Variants in DCP2 observed in about 807,000 individuals in gnomAD.
DCP2 encodes the protein m7GpppN-mRNA hydrolase.
DCP2 carries 30 observed loss-of-function variants against 56.1 expected under a neutral mutation model. That is an observed-to-expected ratio of 0.53 (90% CI 0.40 to 0.73). The LOEUF is 0.73. Among genes scored for constraint, DCP2 ranks in the 30% least tolerant of loss-of-function variants. The pLI is 0.00. For missense variants in DCP2, 533 were observed against 502.7 expected (o/e 1.06, Z -0.58); for synonymous variants, 197 against 163.3 (o/e 1.21, Z -1.57).
intron 4 of DCP2, among the ~76,000 whole-genome samples, chr5:112,993,550 C>T (rs776283194): frequency 6.2e-5 from 9 of 144,934 alleles, no homozygotes; most frequent in African/African-American, 1.3e-4. Flanking sequence ...CTCTTGAACT[C>T]GGGAGGCAGA....
intron 4 of DCP2, among the ~76,000 whole-genome samples, chr5:112,995,870 A>G (rs1173328611): frequency 1.3e-5 from 2 of 152,180 alleles, no homozygotes; most frequent in Non-Finnish European, 2.9e-5. Flanking sequence ...TTATTTTGCA[A>G]CGGTTCTAGA....
intron 10 of DCP2, among the ~76,000 whole-genome samples, chr5:113,012,866 A>G (rs539741241): frequency 4.0e-5 from 6 of 150,016 alleles, no homozygotes; most frequent in African/African-American, 7.4e-5. Flanking sequence ...CTGGTCTCGA[A>G]CTCCTGACCT....
At chr5:112,997,269 A>G (rs538417465) in intron 4 of DCP2, among the ~76,000 whole-genome samples, 3 of 152,316 alleles carry the variant, frequency 2.0e-5, no homozygotes, top group South Asian at 4.1e-4. Context: ...CAGGACAAAG[A>G]TGTTTTCTAG....
At chr5:113,007,020 C>T (rs1346326624) in intron 8 of DCP2, among the ~76,000 whole-genome samples, 1 of 151,916 alleles carries the variant, frequency 6.6e-6, no homozygotes, top group East Asian at 1.9e-4. Context: ...TGCTTGTAAT[C>T]CTAGCTGCTT....
rs1381478696 is a variant in DCP2 at position 113,020,961 on chromosome 5, T to TA, written c.*7478dup. ...AATTGGCTGCTTGGGCGGTTTTAGT[T>TA]ACCACCTTAGCCTGGTTTTCTGCTA... On this transcript the variant is annotated 3_prime_UTR_variant, in exon 11 of 11. Coordinates refer to ENST00000389063, the MANE Select transcript of DCP2 (RefSeq NM_152624.6). 2 of 152,246 alleles carry TA rather than the reference T, an allele frequency of 1.3e-5. No individual in the cohort carries two copies. Among genetic ancestry groups the TA allele is most frequent in the Non-Finnish European group, 2.9e-5 (2 of 68,046 alleles). 9.4% of individuals were successfully genotyped at this position (152,246 alleles called of 1,614,324 possible).
At chr5:112,998,714 A>G (rs1381818903) in intron 4 of DCP2, among the ~76,000 whole-genome samples, 2 of 152,226 alleles carry the variant, frequency 1.3e-5, no homozygotes, top group East Asian at 1.9e-4. Flanking sequence ...ATGTTACACC[A>G]TAGTTGCTAT....
chr5:113,003,137 C>A (rs143724805), intron 7 of DCP2, among the ~76,000 whole-genome samples: 86 of 127,380 alleles, frequency 6.8e-4, no homozygotes, highest in African/African-American at 2.6e-3. Context: ...CTTTCAGAAT[C>A]TGTTATTGTA....
At chr5:112,985,042 G>A (rs1190692487) in intron 1 of DCP2, among the ~76,000 whole-genome samples, 4 of 151,976 alleles carry the variant, frequency 2.6e-5, no homozygotes, top group African/African-American at 9.7e-5. Flanking sequence ...AAAACCAGTG[G>A]ACTTGAATCT....
intron 1 of DCP2, chr5:112,984,703 A>ATT (rs1554098980): frequency 3.1e-5 from 2 of 64,858 alleles, no homozygotes; most frequent in African/African-American, 1.6e-4. Flanking sequence ...AAAAAAAAAA[A>ATT]ATATATATAT....
In DCP2 at chr5:113,013,197, G is replaced by T. The variant is rs983211083; in HGVS notation, c.1100-124G>T. The stretch of plus-strand genomic sequence containing the variant: ...TACATATTTTGGTGGTTCTGTTTAG[G>T]GTTAGAGTCTGGGAAGATAAATATA... On this transcript the variant is annotated intron_variant, in intron 10 of 10. Coordinates refer to ENST00000389063, the MANE Select transcript of DCP2 (RefSeq NM_152624.6). 9.2e-6 allele frequency: 9 copies of T among 982,076 alleles called. No individual in the cohort carries two copies. In the African/African-American group the frequency reaches 1.3e-4, roughly 14 times the overall value. 60.8% of individuals were successfully genotyped at this position (982,076 alleles called of 1,614,324 possible).
intron 4 of DCP2, among the ~76,000 whole-genome samples, chr5:113,000,147 A>G (rs1158753760): frequency 6.6e-6 from 1 of 151,602 alleles, no homozygotes; most frequent in East Asian, 1.9e-4. Flanking sequence ...TTTTGTATAG[A>G]TGGAGTCCCA....
chr5:112,992,836 C>T (rs750307333), intron 4 of DCP2, 66 bp downstream of exon 4: 713 of 1,233,408 alleles, frequency 5.8e-4, no homozygotes, highest in Non-Finnish European at 7.4e-4. Flanking sequence ...TTTTTTTAGC[C>T]ATATAGACTT....
intron 4 of DCP2, among the ~76,000 whole-genome samples, chr5:112,998,228 C>T (rs1488444884): frequency 6.6e-6 from 1 of 152,154 alleles, no homozygotes; most frequent in Non-Finnish European, 1.5e-5. Context: ...TGCTGTTTTG[C>T]CTCATATTGT....
intron 1 of DCP2, among the ~76,000 whole-genome samples, chr5:112,977,719 G>T (rs1747785184): frequency 6.6e-6 from 1 of 152,162 alleles, no homozygotes; most frequent in Non-Finnish European, 1.5e-5. Context: ...TCTGATTTCA[G>T]ATAGCCAAAC....
chr5:112,993,441 A>G (rs1408058056), intron 4 of DCP2, among the ~76,000 whole-genome samples: 1 of 152,056 alleles, frequency 6.6e-6, no homozygotes. Context: ...CCTGACCAAC[A>G]TGGAGAAACC....
Position 112,992,397 on chromosome 5 carries a change from G to A in DCP2, c.333+149G>A, listed in dbSNP as rs184969373. 3.8e-4 allele frequency: 421 copies of A among 1,118,102 alleles called. 1 individual carries two copies. Among genetic ancestry groups the A allele is most frequent in the Non-Finnish European group, 4.3e-4 (351 of 811,572 alleles). 69.3% of individuals were successfully genotyped at this position (1,118,102 alleles called of 1,614,324 possible). A position where few individuals can be genotyped will look rare whatever the true frequency, so the allele number is the denominator to read the frequency against. The stretch of plus-strand genomic sequence containing the variant: ...AGGCCAAGCTTTGTATATTTTATCC[G>A]CATGCTATGTCTGCAGATTTTTTAC... On this transcript the variant is annotated intron_variant, in intron 3 of 10. Transcript: ENST00000389063.
At chr5:112,988,898 T>G (rs1458582180) in intron 2 of DCP2, among the ~76,000 whole-genome samples, 1 of 152,194 alleles carries the variant, frequency 6.6e-6, no homozygotes, top group Non-Finnish European at 1.5e-5. Context: ...TGGATAACAT[T>G]TTGTGTGTGT....
At chr5:113,006,718 A>G (rs1749453895) in intron 8 of DCP2, among the ~76,000 whole-genome samples, 1 of 152,244 alleles carries the variant, frequency 6.6e-6, no homozygotes, top group Non-Finnish European at 1.5e-5. Flanking sequence ...ATTAATGTTT[A>G]AAATGTTCGT....
At chr5:112,996,774 C>A (rs1251328730) in intron 4 of DCP2, among the ~76,000 whole-genome samples, 1 of 152,086 alleles carries the variant, frequency 6.6e-6, no homozygotes, top group Non-Finnish European at 1.5e-5. Flanking sequence ...TTTGGCTCAC[C>A]TTTGTTAATT....
Sources: gnomAD v4.1 joint callset for allele counts (sites outside exome capture counted in the v4.1 genomes callset) on GRCh38, gnomAD v4.1.1 for gene constraint, MANE v1.5 for transcripts, NCBI Gene and HGNC (gene_info 2026-07-23, HGNC 2026-07-21) for gene names.